The following CCDC88C variants were observed in gnomAD, a reference collection of about 807,000 sequenced individuals.
CCDC88C encodes protein Daple.
CCDC88C carries 131 observed loss-of-function variants against 198.8 expected under a neutral mutation model. The ratio of observed to expected loss-of-function variants is 0.66; its 90% confidence interval spans 0.57 to 0.76. The LOEUF (loss-of-function observed/expected upper bound fraction) is 0.76, where lower values mean the gene tolerates loss of function less well. Ranked by LOEUF, CCDC88C falls within the 30% of genes least tolerant of loss-of-function variation. The pLI is 0.00. For missense variants in CCDC88C, 2,553 were observed against 2,631.6 expected (o/e 0.97, Z 0.65); for synonymous variants, 1,166 against 1,114.7 (o/e 1.05, Z -0.92).
chr14:91,293,046 G>GTCCCCTCAC lies in CCDC88C; in HGVS notation c.4112+1126_4112+1127insGTGAGGGGA, dbSNP rs1157738290. On this transcript the variant is annotated intron_variant, in intron 23 of 29. Transcript: ENST00000389857. ...CACCTTCCCGTCCTCACCTGCCACGGCTGACCTTCCTGTCCCCTCACCTGC... is the reference window on the plus strand; with the variant it reads ...CACCTTCCCGTCCTCACCTGCCACGGTCCCCTCACCTGACCTTCCTGTCCCCTCACCTGC... Among the ~76,000 whole-genome samples, 56 of 148,162 alleles carry GTCCCCTCAC rather than the reference G, an allele frequency of 3.8e-4. 1 individual carries two copies. Among genetic ancestry groups the GTCCCCTCAC allele is most frequent in the South Asian group, 4.3e-4 (2 of 4,658 alleles).
rs1424675881 is a variant in CCDC88C at position 91,273,369 on chromosome 14, T to A, written c.5343A>T (p.Arg1781Ser). The A allele has an allele frequency of 1.3e-6, 2 of 1,533,178 alleles. No homozygotes were observed. Among genetic ancestry groups the A allele is most frequent in the Admixed American group, 2.0e-5 (1 of 49,058 alleles). The allele number at this position is 1,533,178 out of a possible 1,614,324, so 95.0% of individuals were successfully genotyped here. The change falls in exon 30 of 30, where the codon AGA becomes AGT. Residue 1781 changes from arginine to serine, a missense_variant. By Grantham distance (110) the Arg-to-Ser change is moderately radical. Around this residue, in one of 2 missense-constraint regions of CCDC88C, gnomAD observed 1,293 missense variants for 1,219.6 expected, o/e 1.06. Coordinates refer to ENST00000389857, the MANE Select transcript of CCDC88C (RefSeq NM_001080414.4). The surrounding 1 kb of genome is among the most constrained non-coding windows in gnomAD (Gnocchi z 5.6). ...AQPPQSLSLGRPRQAPVPPAS... is the reference protein window; with the variant it reads ...AQPPQSLSLGSPRQAPVPPAS... ...CTGGGGGCACCGGAGCCTGCCGGGG[T>A]CTGCCCAGAGACAGGCTCTGGGGAG...
At chr14:91,314,467 C>T (rs1466958065) in intron 14 of CCDC88C, among the ~76,000 whole-genome samples, 1 of 152,236 alleles carries the variant, frequency 6.6e-6, no homozygotes, top group Non-Finnish European at 1.5e-5. Flanking sequence ...TCTGCAGCCT[C>T]TGCTTACACT....
At chr14:91,276,223 T>C (rs1022109056) in intron 29 of CCDC88C, among the ~76,000 whole-genome samples, 6 of 152,238 alleles carry the variant, frequency 3.9e-5, no homozygotes, top group African/African-American at 1.4e-4. Context: ...GACCCATTGA[T>C]TCAGAAACTC....
At chr14:91,337,882 G>A in intron 10 of CCDC88C, 123 bp downstream of exon 10, 1 of 1,214,322 alleles carries the variant, frequency 8.2e-7, no homozygotes, top group Non-Finnish European at 1.2e-6. Context: ...AGGTGCCGGG[G>A]AAGCATCTGC....
At position 91,324,811 on chromosome 14, in the gene CCDC88C, T is replaced by A; in HGVS notation, c.1310A>T (p.Glu437Val). Residue 437 changes from glutamate to valine, a missense_variant, in exon 12 of 30, where the codon GAG (glutamate) becomes GTG (valine). This residue lies in a region of CCDC88C where 1,260 missense variants were observed against 1,412.0 expected (regional missense o/e 0.89). Transcript: ENST00000389857. ...CAAGTCTGCGTTCTTGGACAGCTGC[T>A]CCAGCTCCCAGCCAAGGTGGGCAGA... is the stretch of plus-strand genomic sequence containing the variant. ...NESAHLGWEL[E>V]QLSKNADLSD... 1 of 1,613,020 alleles carries A rather than the reference T, an allele frequency of 6.2e-7. No homozygotes were observed. The highest frequency in any genetic ancestry group is 8.5e-7 in the Non-Finnish European group (1 of 1,179,876).
intron 3 of CCDC88C, among the ~76,000 whole-genome samples, chr14:91,399,870 A>AAGT (rs2033731534): frequency 1.3e-5 from 2 of 150,156 alleles, no homozygotes; most frequent in Non-Finnish European, 3.0e-5. Context: ...GAAGAAGAAG[A>AAGT]AGTAGTTGAG....
At chr14:91,378,697 T>C (rs976094338) in intron 3 of CCDC88C, 1 of 152,304 alleles carries the variant, frequency 6.6e-6, no homozygotes, top group Admixed American at 6.5e-5. Flanking sequence ...ACAGTCATTG[T>C]AGTTGCTTTT....
intron 21 of CCDC88C, among the ~76,000 whole-genome samples, chr14:91,297,988 T>C (rs531016396): frequency 2.0e-5 from 3 of 152,232 alleles, no homozygotes; most frequent in Admixed American, 6.5e-5. Context: ...GTGTGTATTA[T>C]GTAAATCTAT....
At chr14:91,292,830 G>A (rs1414250967) in intron 23 of CCDC88C, among the ~76,000 whole-genome samples, 1 of 152,078 alleles carries the variant, frequency 6.6e-6, no homozygotes, top group African/African-American at 2.4e-5. Flanking sequence ...ACCAGGGTTC[G>A]TCCCCTTGCC....
intron 27 of CCDC88C, chr14:91,281,210 T>G: frequency 2.1e-6 from 2 of 955,620 alleles, no homozygotes; most frequent in Non-Finnish European, 3.1e-6. Flanking sequence ...CTTGAAGGCA[T>G]GAAGAGGAGA....
Position 91,338,801 on chromosome 14 carries a change from C to A in CCDC88C, c.810-231G>T, listed in dbSNP as rs2139859010. 1 of 544,584 alleles carries A rather than the reference C, an allele frequency of 1.8e-6. No individual in the cohort carries two copies. The highest frequency in any genetic ancestry group is 3.1e-5 in the Admixed American group (1 of 32,518). The allele number at this position is 544,584 out of a possible 1,614,324, so 33.7% of individuals were successfully genotyped here. The stretch of plus-strand genomic sequence containing the variant: ...AACTATGTCCATCCGCCACTCAGGT[C>A]TCCCTCCCTGTGTGTGGGGCAGGTA... On this transcript the variant is annotated intron_variant, in intron 8 of 29. Transcript: ENST00000389857. The surrounding 1 kb of genome is among the most constrained non-coding windows in gnomAD (Gnocchi z 4.8).
chr14:91,287,480 C>T (rs1363012001), intron 25 of CCDC88C, among the ~76,000 whole-genome samples: 1 of 152,008 alleles, frequency 6.6e-6, no homozygotes, highest in East Asian at 1.9e-4. Context: ...ACTACAGGTA[C>T]GTGCCACCAC....
chr14:91,338,578 G>A lies in CCDC88C; in HGVS notation c.810-8C>T, dbSNP rs1488484983. On this transcript the variant is annotated splice_polypyrimidine_tract_variant and splice_region_variant and intron_variant, in intron 8 of 29. Transcript: ENST00000389857. This position sits in a 1 kb window ranked among gnomAD's most constrained non-coding sequence, Gnocchi z 4.8. Reference sequence around the variant, plus strand: ...TGCTCTGTCTTATCCTCCCTGCAGAGGCAGTAAGGAGAAAGAGTGTGGGAG... The same window carrying A: ...TGCTCTGTCTTATCCTCCCTGCAGAAGCAGTAAGGAGAAAGAGTGTGGGAG... The A allele has an allele frequency of 1.7e-5, 26 of 1,555,408 alleles. No individual in the cohort carries two copies. The highest frequency in any genetic ancestry group is 2.3e-5 in the Non-Finnish European group (26 of 1,148,688).
At chr14:91,388,358 C>T (rs1345912901) in intron 3 of CCDC88C, among the ~76,000 whole-genome samples, 2 of 152,204 alleles carry the variant, frequency 1.3e-5, no homozygotes, top group Non-Finnish European at 2.9e-5. Flanking sequence ...GACTGGGCCT[C>T]GTGGCTCTAG....
At chr14:91,377,507 A>C (rs1288188589) in intron 3 of CCDC88C, among the ~76,000 whole-genome samples, 1 of 152,118 alleles carries the variant, frequency 6.6e-6, no homozygotes, top group Non-Finnish European at 1.5e-5. Flanking sequence ...ACTCGTCGTC[A>C]GTTCTTGAGA....
chr14:91,324,663 G>T, intron 12 of CCDC88C, 116 bp downstream of exon 12: 2 of 1,293,504 alleles, frequency 1.5e-6, no homozygotes, highest in Non-Finnish European at 2.1e-6. Context: ...AGGAAATCAT[G>T]TTTGCCTGGG....
At chr14:91,319,880 C>T (rs1892273881) in intron 13 of CCDC88C, among the ~76,000 whole-genome samples, 1 of 151,950 alleles carries the variant, frequency 6.6e-6, no homozygotes, top group African/African-American at 2.4e-5. Context: ...ACAAAACTAG[C>T]TGGGTGTGGT....
chr14:91,305,950 G>T, intron 18 of CCDC88C, 24 bp from the exon 19 acceptor site: 1 of 1,605,526 alleles, frequency 6.2e-7, no homozygotes, highest in South Asian at 1.1e-5. Flanking sequence ...AGGCATGAGC[G>T]AATCAAACTC....
At position 91,278,060 on chromosome 14, in the gene CCDC88C, A is replaced by G. The variant is rs751464950; in HGVS notation, c.4920T>C (p.Pro1640=). ...TCTTCTGGGCACCCTCCTGTGGGAG[A>G]GGCCCGTTCCGAGGCAAGGGGTACT... ...RHEYPLPRNG[P]LPQEGAQKRG... The change falls in exon 29 of 30, where the codon CCT becomes CCC. Residue 1640 remains proline (P), a synonymous_variant. Coordinates refer to ENST00000389857, the MANE Select transcript of CCDC88C (RefSeq NM_001080414.4). The G allele has an allele frequency of 3.1e-6, 5 of 1,610,986 alleles. No homozygotes were observed. Among genetic ancestry groups the G allele is most frequent in the East Asian group, 4.5e-5 (2 of 44,740 alleles).
Sources: allele counts gnomAD v4.1 joint callset (sites outside exome capture counted in the v4.1 genomes callset), GRCh38; gene constraint gnomAD v4.1.1; regional missense constraint gnomAD v4.1.1; non-coding constraint Gnocchi (gnomAD v3.1); transcripts MANE v1.5; gene names NCBI Gene and HGNC (gene_info 2026-07-23, HGNC 2026-07-21).